The following CTBP2 variants were observed in gnomAD, a reference collection of about 807,000 sequenced individuals.
The protein encoded by CTBP2 is C-terminal binding protein 2, also known as C-terminal-binding protein 2.
In CTBP2, 30 loss-of-function variants were observed where a neutral mutation model predicts 80.3. The ratio of observed to expected loss-of-function variants is 0.37; its 90% CI spans 0.28 to 0.51. CTBP2 has a LOEUF of 0.51. Ranked by LOEUF, CTBP2 falls within the 20% of genes least tolerant of loss-of-function variation. CTBP2 has a pLI of 0.93. For synonymous variants in CTBP2, 594 were observed against 587.4 expected, an observed-to-expected ratio of 1.01 and a Z score of -0.16; for missense variants, 1,212 against 1,375.3, an observed-to-expected ratio of 0.88 and a Z score of 1.88.
chr10:125,130,456 C>T (rs1855980502), intron 1 of CTBP2, among the ~76,000 whole-genome samples: 1 of 152,156 alleles, frequency 6.6e-6, no homozygotes, highest in Admixed American at 6.6e-5. Context: ...CACTTGGAAA[C>T]ACGCTGCCAA....
chr10:125,039,344 T>A (rs536397530), intron 2 of CTBP2, among the ~76,000 whole-genome samples, 189 bp from the exon 3 acceptor site: 7 of 152,318 alleles, frequency 4.6e-5, no homozygotes, highest in Admixed American at 2.0e-4. Context: ...CTGCTTCTTA[T>A]CTCATAATAG....
At chr10:125,112,779 G>A (rs963953361) in intron 1 of CTBP2, among the ~76,000 whole-genome samples, 1 of 152,206 alleles carries the variant, frequency 6.6e-6, no homozygotes, top group African/African-American at 2.4e-5. Flanking sequence ...ATACCTAAAA[G>A]AACTTCCCCT....
intron 4 of CTBP2, chr10:124,997,048 G>C (rs1188193841): frequency 6.6e-6 from 1 of 152,566 alleles, no homozygotes; most frequent in African/African-American, 2.4e-5. Flanking sequence ...CTTGTGGGGA[G>C]AGGAGCACGG....
intron 2 of CTBP2, among the ~76,000 whole-genome samples, chr10:125,092,812 C>A (rs975633352): frequency 6.6e-6 from 1 of 151,688 alleles, no homozygotes; most frequent in Admixed American, 6.5e-5. Context: ...GGAGCAACGA[C>A]TTCTACAACA....
upstream of CTBP2, among the ~76,000 whole-genome samples, chr10:125,161,723 A>G (rs1355412321): frequency 6.6e-6 from 1 of 151,946 alleles, no homozygotes; most frequent in Admixed American, 6.6e-5. Context: ...TGAAAAAAAA[A>G]AAAAAGGTTC....
At chr10:125,090,382 C>G (rs1054015457) in intron 2 of CTBP2, among the ~76,000 whole-genome samples, 22 of 145,614 alleles carry the variant, frequency 1.5e-4, no homozygotes, top group Admixed American at 2.8e-4. Context: ...GTATCATAAA[C>G]TGAATTACAG....
chr10:125,048,818 A>G (rs1275924690), intron 2 of CTBP2, among the ~76,000 whole-genome samples: 1 of 152,206 alleles, frequency 6.6e-6, no homozygotes, highest in Admixed American at 6.5e-5. Context: ...TCCATTACAA[A>G]TGACAGCCTC....
chr10:125,159,676 G>C (rs1370380232), intron 1 of CTBP2, among the ~76,000 whole-genome samples: 4 of 149,474 alleles, frequency 2.7e-5, no homozygotes, highest in African/African-American at 9.7e-5. Flanking sequence ...AGCCGCTCAC[G>C]CCCCGACTTC....
At chr10:125,038,885 G>A (rs1590247495) in intron 3 of CTBP2, 112 bp downstream of exon 3, 14 of 1,059,574 alleles carry the variant, frequency 1.3e-5, no homozygotes, top group Non-Finnish European at 1.7e-5. Flanking sequence ...TGTTGGAATC[G>A]GAGGAGGGAC....
intron 1 of CTBP2, among the ~76,000 whole-genome samples, chr10:125,124,342 C>G (rs1439147216): frequency 1.3e-5 from 2 of 152,300 alleles, no homozygotes; most frequent in East Asian, 3.9e-4. Context: ...GGTAACTCCC[C>G]GCTGGTTCAA....
intron 2 of CTBP2, among the ~76,000 whole-genome samples, chr10:125,055,659 C>T (rs568555321): frequency 6.6e-6 from 1 of 152,136 alleles, no homozygotes; most frequent in Non-Finnish European, 1.5e-5. Flanking sequence ...ATCCCCGAAC[C>T]ACACTCCAAG....
chr10:125,126,741 C>A (rs899859662), intron 1 of CTBP2, among the ~76,000 whole-genome samples: 6 of 151,686 alleles, frequency 4.0e-5, no homozygotes, highest in African/African-American at 7.3e-5. Flanking sequence ...CACCACCCCC[C>A]GCTATACAGA....
chr10:125,063,353 C>A (rs1475079531), intron 2 of CTBP2, among the ~76,000 whole-genome samples: 7 of 152,072 alleles, frequency 4.6e-5, no homozygotes. Context: ...CGTGTTTTAC[C>A]CCACACGTCA....
At chr10:125,034,786 C>A (rs542104251) in intron 3 of CTBP2, among the ~76,000 whole-genome samples, 1 of 152,166 alleles carries the variant, frequency 6.6e-6, no homozygotes, top group South Asian at 2.1e-4. Context: ...ACAAATAAAT[C>A]TTAAATACCA....
chr10:125,017,048 CCCTT>C (rs1385943855), intron 1 of CTBP2, among the ~76,000 whole-genome samples: 11 of 152,202 alleles, frequency 7.2e-5, no homozygotes, highest in African/African-American at 2.7e-4. Context: ...CACGAAAAAT[CCCTT>C]AATGCAATCC....
intron 2 of CTBP2, among the ~76,000 whole-genome samples, chr10:125,071,141 C>T (rs1845421948): frequency 6.6e-6 from 1 of 152,140 alleles, no homozygotes; most frequent in African/African-American, 2.4e-5. Flanking sequence ...GCCACGACCT[C>T]GTATCTGTGC....
rs1192369281 is a variant in CTBP2 at position 125,139,781 on chromosome 10, C to CA, written c.-206+20537_-206+20538insT. ...AGGGTTCTGGGAAAGCATCCTGTAT[C>CA]CAGGACACCATGAGGCCTTGTGGCT... is the stretch of plus-strand genomic sequence containing the variant. On this transcript the variant is annotated intron_variant, in intron 1 of 10. Transcript: ENST00000337195. Among the ~76,000 whole-genome samples the CA allele has an allele frequency of 3.9e-5, 6 of 152,176 alleles. No individual in the cohort carries two copies. In the South Asian group the frequency reaches 6.2e-4, roughly 16 times the overall value.
intron 2 of CTBP2, among the ~76,000 whole-genome samples, chr10:125,078,292 A>C (rs11593793): frequency 0.046 from 6,605 of 144,916 alleles, 231 homozygotes; most frequent in Admixed American, 0.085. Context: ...AAAAAAAAAA[A>C]AAAAAAAACC....
chr10:125,131,418 CAA>C (rs1427003340), intron 1 of CTBP2, among the ~76,000 whole-genome samples: 11 of 152,170 alleles, frequency 7.2e-5, no homozygotes, highest in African/African-American at 2.2e-4. Flanking sequence ...GGCCCCCAAA[CAA>C]GGGCAGAAGG....
Sources: allele counts gnomAD v4.1 joint callset (sites outside exome capture counted in the v4.1 genomes callset), GRCh38; gene constraint gnomAD v4.1.1; transcripts MANE v1.5; gene names NCBI Gene and HGNC (gene_info 2026-07-23, HGNC 2026-07-21).